Variants in POLB observed in about 807,000 individuals in gnomAD.
POLB encodes the protein DNA polymerase beta.
Under a neutral mutation model 52.7 loss-of-function variants are expected in POLB, and 37 were observed. That is an observed-to-expected ratio of 0.70 (90% CI 0.54 to 0.92). POLB has a LOEUF of 0.92. Among genes scored for constraint, POLB ranks in the 40% least tolerant of loss-of-function variants. The pLI is 0.00. For synonymous variants in POLB, 138 were observed against 131.3 expected (o/e 1.05, Z -0.35); for missense variants, 313 against 400.8 (o/e 0.78, Z 1.87).
At chr8:42,344,880 T>C (rs980888040) in intron 2 of POLB, 73 bp from the exon 3 acceptor site, 30 of 857,956 alleles carry the variant, frequency 3.5e-5, no homozygotes, top group South Asian at 5.4e-5. Context: ...TGCTTGTATA[T>C]GTATTCCAGT....
At chr8:42,367,496 A>T (rs1824116662) in intron 11 of POLB, among the ~76,000 whole-genome samples, 1 of 152,224 alleles carries the variant, frequency 6.6e-6, no homozygotes, top group South Asian at 2.1e-4. Context: ...TATCTAATGA[A>T]GATGAGAGCT....
At chr8:42,343,321 CA>C (rs1157325948) in intron 2 of POLB, among the ~76,000 whole-genome samples, 9 of 2,818 alleles carry the variant, frequency 3.2e-3, no homozygotes, top group African/African-American at 4.5e-3. Context: ...GACTGCGTCT[CA>C]AAAAAAAAAA....
rs1163249252 is a variant in POLB at position 42,363,527 on chromosome 8, C to CAAA, written c.708+856_708+858dup. On this transcript the variant is annotated intron_variant, in intron 11 of 13. Transcript: ENST00000265421. ...TGGGTGACAGACCGAGACTCTGTCT[C>CAAA]AAAAAAAAAAAAAAAAAAAAAAAAA... Among the ~76,000 whole-genome samples the CAAA allele has an allele frequency of 2.3e-3, 37 of 15,832 alleles. 1 individual carries two copies. The highest frequency in any genetic ancestry group is 0.014 in the South Asian group (6 of 416). 10.4% of individuals were successfully genotyped at this position (15,832 alleles called of 152,430 possible). A position where few individuals can be genotyped will look rare whatever the true frequency, so the allele number is the denominator to read the frequency against.
intron 11 of POLB, among the ~76,000 whole-genome samples, chr8:42,363,926 C>CTT (rs766603558): frequency 2.3e-3 from 311 of 132,344 alleles, no homozygotes; most frequent in East Asian, 7.8e-3. Context: ...AATTACGATT[C>CTT]TTTTTTTTTT....
Position 42,342,496 on chromosome 8 carries a change from G to T in POLB, c.120-2457G>T, listed in dbSNP as rs1190271274. ...TATATGAACTATCATCCTCTATTTG[G>T]GTGTGTTGTATTTATTTTTATCCTG... On this transcript the variant is annotated intron_variant, in intron 2 of 13. Coordinates refer to ENST00000265421, the MANE Select transcript of POLB (RefSeq NM_002690.3). 3 of 1,003,772 alleles carry T rather than the reference G, an allele frequency of 3.0e-6. No homozygotes were observed. The East Asian group carries it at 7.1e-5, about 24-fold the overall frequency. The allele number at this position is 1,003,772 out of a possible 1,614,324, so 62.2% of individuals were successfully genotyped here. A position where few individuals can be genotyped will look rare whatever the true frequency, so the allele number is the denominator to read the frequency against.
intron 7 of POLB, among the ~76,000 whole-genome samples, chr8:42,355,893 T>C (rs1823283081): frequency 6.6e-6 from 1 of 152,136 alleles, no homozygotes; most frequent in African/African-American, 2.4e-5. Flanking sequence ...AGCACTACAC[T>C]AGGTCTAGGG....
At position 42,342,566 on chromosome 8, in the gene POLB, G is replaced by A; in HGVS notation, c.120-2387G>A. ...GCATAGTAATCAGTTTTACCATCTT[G>A]TCATCTTTAAGTTTCATTTGGTATC... On this transcript the variant is annotated intron_variant, in intron 2 of 13. Coordinates refer to ENST00000265421, the MANE Select transcript of POLB (RefSeq NM_002690.3). The A allele has an allele frequency of 5.4e-6, 4 of 736,098 alleles. No homozygotes were observed. In the Admixed American group the frequency reaches 5.8e-5, roughly 11 times the overall value. The allele number at this position is 736,098 out of a possible 1,614,324, so 45.6% of individuals were successfully genotyped here.
intron 2 of POLB, chr8:42,341,924 G>T: frequency 1.5e-6 from 1 of 667,498 alleles, no homozygotes; most frequent in Non-Finnish European, 2.8e-6. Flanking sequence ...TCCTATAGCA[G>T]CATGAGCTTT....
intron 3 of POLB, among the ~76,000 whole-genome samples, chr8:42,346,120 C>T (rs1822593388): frequency 6.6e-6 from 1 of 151,858 alleles, no homozygotes; most frequent in African/African-American, 2.4e-5. Context: ...CAGGGTTTCA[C>T]TGTGTTGGCC....
In POLB at chr8:42,370,001, G is replaced by A. The variant is rs373674968; in HGVS notation, c.913+13G>A. On this transcript the variant is annotated intron_variant, in intron 13 of 13. Coordinates refer to ENST00000265421, the MANE Select transcript of POLB (RefSeq NM_002690.3). ...TTGGGAGTCACTGGTGAGTGTCCAT[G>A]TGTGTATTAGAGATCATCTCTCATC... is the stretch of plus-strand genomic sequence containing the variant. 2.4e-5 allele frequency: 38 copies of A among 1,596,398 alleles called. No homozygotes were observed. In the African/African-American group the frequency reaches 4.3e-4, roughly 18 times the overall value.
intron 9 of POLB, 21 bp from the exon 10 acceptor site, chr8:42,361,274 A>G (rs1823663019): frequency 6.3e-7 from 1 of 1,576,380 alleles, no homozygotes; most frequent in African/African-American, 1.3e-5. Context: ...ACAATCTCAT[A>G]TGTGTCTTCT....
chr8:42,364,562 T>C (rs1823922979), intron 11 of POLB, among the ~76,000 whole-genome samples: 1 of 152,112 alleles, frequency 6.6e-6, no homozygotes. Flanking sequence ...TAGTGTTCTG[T>C]CACTTATATA....
Position 42,339,010 on chromosome 8 carries a change from A to G in POLB, c.62-2A>G. The stretch of plus-strand genomic sequence containing the variant: ...TCACCCGAGCCTTCTGTTGCCTTTC[A>G]GAACTCGCAAACTTTGAGAAGAACG... On this transcript the variant is annotated splice_acceptor_variant, in intron 1 of 13. Coordinates refer to ENST00000265421, the MANE Select transcript of POLB (RefSeq NM_002690.3). LOFTEE classifies it high-confidence loss of function. 1 of 1,613,574 alleles carries G rather than the reference A, an allele frequency of 6.2e-7. No homozygotes were observed. Among genetic ancestry groups the G allele is most frequent in the Non-Finnish European group, 8.5e-7 (1 of 1,179,454 alleles).
rs1824413577 is a variant in POLB at position 42,371,694 on chromosome 8, A to G, written c.*37A>G. ...TCCCTGGCAGACACAACCCAATAGG[A>G]GTCTTAATTTATTTCTTAACCTTTG... On this transcript the variant is annotated 3_prime_UTR_variant, in exon 14 of 14. Transcript: ENST00000265421. The G allele has an allele frequency of 2.5e-6, 3 of 1,182,470 alleles. No homozygotes were observed. The highest frequency in any genetic ancestry group is 3.8e-6 in the Non-Finnish European group (3 of 787,556). The allele number at this position is 1,182,470 out of a possible 1,614,324, so 73.2% of individuals were successfully genotyped here. A position where few individuals can be genotyped will look rare whatever the true frequency, so the allele number is the denominator to read the frequency against.
chr8:42,350,079 T>G lies in POLB; in HGVS notation c.320+14T>G, dbSNP rs1389361143. 2 of 1,535,330 alleles carry G rather than the reference T, an allele frequency of 1.3e-6. No individual in the cohort carries two copies. The highest frequency in any genetic ancestry group is 1.8e-6 in the Non-Finnish European group (2 of 1,107,998). On this transcript the variant is annotated intron_variant, in intron 5 of 13. Transcript: ENST00000265421. The stretch of plus-strand genomic sequence containing the variant: ...TAGTGGCATTGGGTAAGAACTATTT[T>G]TTAAGCAGACACAATCGTCAGTTAG...
chr8:42,369,473 T>C, intron 12 of POLB, 138 bp downstream of exon 12: 1 of 579,816 alleles, frequency 1.7e-6, no homozygotes, highest in Non-Finnish European at 3.1e-6. Flanking sequence ...TCTTGCCAAA[T>C]GCAATGTTTA....
chr8:42,357,198 C>T lies in POLB; in HGVS notation c.452C>T (p.Pro151Leu), dbSNP rs750567076. 20 of 1,558,370 alleles carry T rather than the reference C, an allele frequency of 1.3e-5. No individual in the cohort carries two copies. Among genetic ancestry groups the T allele is most frequent in the Non-Finnish European group, 1.6e-5 (18 of 1,130,884 alleles). The change falls in exon 8 of 14, where the codon CCT becomes CTT. Residue 151 changes from proline to leucine, a missense_variant. Pro to Leu is a moderately conservative substitution (Grantham distance 98, BLOSUM62 -3). Transcript: ENST00000265421. Reference protein sequence around the residue: ...KYFGDFEKRIPREEMLQMQDI... With the variant: ...KYFGDFEKRILREEMLQMQDI... ...TTTGGGGACTTTGAAAAAAGAATTC[C>T]TCGTGAAGAGATGTTACAAATGCAA...
intron 12 of POLB, chr8:42,369,588 G>T (rs1563410363): frequency 7.7e-6 from 4 of 517,426 alleles, no homozygotes; most frequent in Non-Finnish European, 1.4e-5. Flanking sequence ...GTCATTTCCT[G>T]CCTGGGCTAA....
intron 2 of POLB, chr8:42,342,391 T>C: frequency 6.8e-7 from 1 of 1,466,414 alleles, no homozygotes; most frequent in East Asian, 2.3e-5. Context: ...TTTTGGCAGT[T>C]CGTGTGCATA....
Sources: allele counts gnomAD v4.1 joint callset (sites outside exome capture counted in the v4.1 genomes callset), GRCh38; gene constraint gnomAD v4.1.1; transcripts MANE v1.5; gene names NCBI Gene and HGNC (gene_info 2026-07-23, HGNC 2026-07-21).